PTGER4: variants seen among roughly 807,000 people sequenced by gnomAD.
The protein encoded by PTGER4 is prostaglandin E receptor 4, also known as prostaglandin E2 receptor EP4 subtype.
In PTGER4, 11 loss-of-function variants were observed where a neutral mutation model predicts 33.2. The observed-to-expected ratio is 0.33, with a 90% CI of 0.21 to 0.55. PTGER4 has a LOEUF of 0.55. PTGER4 is among the 20% of genes least tolerant of loss of function. The pLI is 0.92. For missense variants in PTGER4, 481 were observed against 650.2 expected (o/e 0.74, Z 2.83); for synonymous variants, 275 against 281.5 (o/e 0.98, Z 0.23).
the PTGER4 span, among the ~76,000 whole-genome samples, chr5:40,738,710 G>A: frequency 6.6e-6 from 1 of 152,128 alleles, no homozygotes; most frequent in African/African-American, 2.4e-5. Context: ...GCCAACACTT[G>A]ATACTGTCAA....
the PTGER4 span, among the ~76,000 whole-genome samples, chr5:40,722,801 G>C: frequency 2.0e-5 from 3 of 150,542 alleles, no homozygotes; most frequent in Admixed American, 2.0e-4. Context: ...CCAGCCAGCC[G>C]CCCATCCGGG....
the PTGER4 span, chr5:40,716,237 T>A: frequency 6.2e-7 from 1 of 1,614,186 alleles, no homozygotes; most frequent in Non-Finnish European, 8.5e-7. Context: ...GCAGACACAA[T>A]AACCATTGTT....
Position 40,681,705 on chromosome 5 carries a change from T to C in PTGER4, c.712T>C (p.Ser238Pro), listed in dbSNP as rs778925464. The change falls in exon 2 of 3, where the codon TCC (serine) becomes CCC (proline). Residue 238 changes from serine (S) to proline (P), a missense_variant. By Grantham distance (74) the Ser-to-Pro change is moderately conservative (BLOSUM62 -1). Around this residue, in one of 7 missense-constraint regions of PTGER4, gnomAD observed 174 missense variants for 210.5 expected, o/e 0.83. Coordinates refer to ENST00000302472, the MANE Select transcript of PTGER4 (RefSeq NM_000958.3). The surrounding 1 kb of genome is among the most constrained non-coding windows in gnomAD (Gnocchi z 9.8). ...CGCGGCCGCGGCCGCCTCGGTTGCC[T>C]CCCGGGGCCACCCCGCTGCCTCCCC... ...HHAAAAASVA[S>P]RGHPAASPAL... 6.3e-7 allele frequency: 1 copy of C among 1,585,010 alleles called. No homozygotes were observed.
the PTGER4 span, among the ~76,000 whole-genome samples, chr5:40,731,886 T>A: frequency 3.8e-4 from 58 of 152,356 alleles, no homozygotes; most frequent in East Asian, 0.011. Context: ...TCAGACCACA[T>A]AGCAACACTT....
At chr5:40,715,221 T>C in the PTGER4 span, 1 of 152,084 alleles carries the variant, frequency 6.6e-6, no homozygotes, top group African/African-American at 2.4e-5. Flanking sequence ...AAAAAAGTTA[T>C]CTAGAAAAGT....
At chr5:40,717,994 G>A in the PTGER4 span, among the ~76,000 whole-genome samples, 19 of 151,568 alleles carry the variant, frequency 1.3e-4, no homozygotes, top group Admixed American at 7.9e-4. Flanking sequence ...CTCGGGAGGC[G>A]GAGGTTGCAG....
the PTGER4 span, among the ~76,000 whole-genome samples, chr5:40,744,017 T>C: frequency 6.6e-6 from 1 of 152,216 alleles, no homozygotes. Context: ...GGGAATCCGA[T>C]GGCAATAACA....
At chr5:40,730,427 T>C in the PTGER4 span, 20 of 1,066,968 alleles carry the variant, frequency 1.9e-5, no homozygotes, top group Non-Finnish European at 2.9e-5. Context: ...TGTAGTAAAA[T>C]ATAAAATTTA....
chr5:40,697,276 AAGAAAGAAAGAAAGAAAG>A (rs1741632800), downstream of PTGER4, among the ~76,000 whole-genome samples: 5 of 136,254 alleles, frequency 3.7e-5, no homozygotes, highest in Admixed American at 7.6e-5. Flanking sequence ...GAAAGAAAGA[AAGAAAGAAAGAAAGAAAG>A]AAAAAGAAAG....
At chr5:40,728,591 C>T in the PTGER4 span, 2,327 of 1,025,062 alleles carry the variant, frequency 2.3e-3, 42 homozygotes, top group African/African-American at 0.033. Flanking sequence ...AATAGCATTT[C>T]GGTGATTTTT....
intron 2 of PTGER4, among the ~76,000 whole-genome samples, chr5:40,682,124 C>T (rs1212322961): frequency 6.6e-6 from 1 of 151,942 alleles, no homozygotes; most frequent in Non-Finnish European, 1.5e-5. Context: ...CCGAGACAGC[C>T]CTTACCCCTT....
Position 40,680,614 on chromosome 5 carries a change from T to A in PTGER4, c.-44+136T>A, listed in dbSNP as rs1741159355. ...AACTTGTTTTCAGTGAGCATTTTATTGATTCAGAATCTATCGAGAATAGCA... is the reference window on the plus strand; with the variant it reads ...AACTTGTTTTCAGTGAGCATTTTATAGATTCAGAATCTATCGAGAATAGCA... On this transcript the variant is annotated intron_variant, in intron 1 of 2. Coordinates refer to ENST00000302472, the MANE Select transcript of PTGER4 (RefSeq NM_000958.3). The surrounding 1 kb of genome is among the most constrained non-coding windows in gnomAD (Gnocchi z 5.5). The A allele has an allele frequency of 5.6e-6, 1 of 179,356 alleles. No homozygotes were observed. The highest frequency in any genetic ancestry group is 5.8e-5 in the Admixed American group (1 of 17,098). 11.1% of individuals were successfully genotyped at this position (179,356 alleles called of 1,614,324 possible).
rs1741526654 is a variant in PTGER4 at position 40,693,728 on chromosome 5, A to G, written c.*1350A>G. 1.0e-6 allele frequency: 1 copy of G among 979,490 alleles called. No homozygotes were observed. The highest frequency in any genetic ancestry group is 1.8e-5 in the African/African-American group (1 of 57,078). The allele number at this position is 979,490 out of a possible 1,614,324, so 60.7% of individuals were successfully genotyped here. On this transcript the variant is annotated 3_prime_UTR_variant, in exon 3 of 3. Transcript: ENST00000302472. ...ATTTTGGAGATTATAATAAATATATACATTCAATCTGAGTTGCATATCCTC... is the reference window on the plus strand; with the variant it reads ...ATTTTGGAGATTATAATAAATATATGCATTCAATCTGAGTTGCATATCCTC...
chr5:40,688,361 T>G (rs1741382442), intron 2 of PTGER4, among the ~76,000 whole-genome samples: 1 of 152,180 alleles, frequency 6.6e-6, no homozygotes, highest in African/African-American at 2.4e-5. Context: ...CAAGTTCGCA[T>G]AAACCCGGCC....
Position 40,692,953 on chromosome 5 carries a change from A to AT in PTGER4, c.*580dup, listed in dbSNP as rs1421955602. On this transcript the variant is annotated 3_prime_UTR_variant, in exon 3 of 3. Coordinates refer to ENST00000302472, the MANE Select transcript of PTGER4 (RefSeq NM_000958.3). ...CCAGCTGAAGTTGCAGATGTTAGAT[A>AT]TTTTTCATAAACAAGTTCGAGTCAA... 1 of 963,188 alleles carries AT rather than the reference A, an allele frequency of 1.0e-6. No homozygotes were observed. Among genetic ancestry groups the AT allele is most frequent in the Admixed American group, 6.2e-5 (1 of 16,226 alleles). The allele number at this position is 963,188 out of a possible 1,614,324, so 59.7% of individuals were successfully genotyped here.
chr5:40,687,237 G>C (rs756997318), intron 2 of PTGER4, among the ~76,000 whole-genome samples: 7 of 151,962 alleles, frequency 4.6e-5, no homozygotes, highest in Admixed American at 6.5e-5. Context: ...TAGAGACTGG[G>C]TTTCTCCATG....
At chr5:40,736,069 G>T in the PTGER4 span, among the ~76,000 whole-genome samples, 2 of 152,178 alleles carry the variant, frequency 1.3e-5, no homozygotes, top group African/African-American at 4.8e-5. Flanking sequence ...AAAATGAGAG[G>T]ACAATTTCAG....
At chr5:40,719,561 T>C in the PTGER4 span, among the ~76,000 whole-genome samples, 39 of 152,238 alleles carry the variant, frequency 2.6e-4, no homozygotes, top group Non-Finnish European at 4.4e-5. Context: ...CTCTTGGGTA[T>C]AAAGAGTGGA....
chr5:40,707,174 T>A, the PTGER4 span, among the ~76,000 whole-genome samples: 1 of 152,106 alleles, frequency 6.6e-6, no homozygotes, highest in Admixed American at 6.5e-5. Flanking sequence ...AATTCACACA[T>A]AACAATATTA....
Sources: allele counts gnomAD v4.1 joint callset (sites outside exome capture counted in the v4.1 genomes callset), GRCh38; gene constraint gnomAD v4.1.1; regional missense constraint gnomAD v4.1.1; non-coding constraint Gnocchi (gnomAD v3.1); transcripts MANE v1.5; gene names NCBI Gene and HGNC (gene_info 2026-07-23, HGNC 2026-07-21).